RERG: variants seen among roughly 807,000 people sequenced by gnomAD.
RERG encodes the protein ras-related and estrogen-regulated growth inhibitor.
In RERG, 25 loss-of-function variants were observed where a neutral mutation model predicts 23.2. The observed-to-expected ratio is 1.08, with a 90% CI of 0.79 to 1.50. The LOEUF is 1.50. Among genes scored for constraint, RERG ranks in the 40% most tolerant of loss-of-function variants. The probability of loss-of-function intolerance (pLI) is 0.00; values close to 1 mark genes in which losing one functional copy is unlikely to be tolerated. For synonymous variants in RERG, 81 were observed against 89.1 expected (o/e 0.91, Z 0.51); for missense variants, 253 against 250.1 (o/e 1.01, Z -0.08).
intron 2 of RERG, among the ~76,000 whole-genome samples, chr12:15,158,450 T>C (rs1864554963): frequency 6.6e-6 from 1 of 151,920 alleles, no homozygotes; most frequent in African/African-American, 2.4e-5. Context: ...CCTGGCTAAT[T>C]TTTGCATTTT....
chr12:15,183,300 G>A (rs1294137414), intron 2 of RERG, among the ~76,000 whole-genome samples: 1 of 151,826 alleles, frequency 6.6e-6, no homozygotes, highest in Non-Finnish European at 1.5e-5. Flanking sequence ...TGAGATACGT[G>A]GGCAAACATA....
chr12:15,114,244 T>C lies in RERG; in HGVS notation c.119-2827A>G, dbSNP rs1385317095. On this transcript the variant is annotated intron_variant, in intron 3 of 4. Transcript: ENST00000256953. Reference sequence around the variant, plus strand: ...AAGCTCATGCACAGACCAAAAAAAATGAGATAAAAAATAAAAGGGTTGACT... The same window carrying C: ...AAGCTCATGCACAGACCAAAAAAAACGAGATAAAAAATAAAAGGGTTGACT... 2.6e-5 allele frequency among the ~76,000 whole-genome samples: 4 copies of C among 151,156 alleles called. No homozygotes were observed. The East Asian group carries it at 7.7e-4, about 29-fold the overall frequency.
intron 2 of RERG, among the ~76,000 whole-genome samples, chr12:15,215,815 A>G (rs1256954684): frequency 6.6e-6 from 1 of 152,168 alleles, no homozygotes; most frequent in Non-Finnish European, 1.5e-5. Context: ...CTGATGCATG[A>G]GCCTTGACAG....
chr12:15,185,327 T>C (rs1864974892), intron 2 of RERG, among the ~76,000 whole-genome samples: 1 of 152,128 alleles, frequency 6.6e-6, no homozygotes, highest in South Asian at 2.1e-4. Flanking sequence ...TTTAAAGCTC[T>C]CACATAATTG....
intron 3 of RERG, among the ~76,000 whole-genome samples, chr12:15,117,665 T>TCA (rs1303535776): frequency 9.3e-6 from 1 of 107,536 alleles, no homozygotes; most frequent in African/African-American, 3.9e-5. Context: ...AATGCCTCCA[T>TCA]CACACACGCG....
intron 2 of RERG, among the ~76,000 whole-genome samples, chr12:15,181,894 GAGCAAAC>G (rs966595160): frequency 4.6e-5 from 7 of 152,116 alleles, no homozygotes; most frequent in Non-Finnish European, 8.8e-5. Context: ...GCTATTCATA[GAGCAAAC>G]TCTGGGAGAA....
intron 2 of RERG, among the ~76,000 whole-genome samples, chr12:15,200,080 A>G (rs893786354): frequency 3.3e-5 from 5 of 152,126 alleles, no homozygotes; most frequent in Non-Finnish European, 7.4e-5. Context: ...TTGGTAGACT[A>G]TAATGAATAC....
rs531384592 is a variant in RERG at position 15,198,340 on chromosome 12, A to T, written c.61+19089T>A. Among the ~76,000 whole-genome samples, 3 of 152,222 alleles carry T rather than the reference A, an allele frequency of 2.0e-5. No individual in the cohort carries two copies. The East Asian group carries it at 5.8e-4, about 29-fold the overall frequency. On this transcript the variant is annotated intron_variant, in intron 2 of 4. Transcript: ENST00000256953. ...GATCCTTTAAATTTGGAAATTAACC[A>T]GCTATGACTCTTCAGGATGTTGGTC...
chr12:15,182,607 G>GTGA (rs1565530680), intron 2 of RERG, among the ~76,000 whole-genome samples: 1 of 152,148 alleles, frequency 6.6e-6, no homozygotes, highest in Non-Finnish European at 1.5e-5. Flanking sequence ...TGAGCCAATT[G>GTGA]TGATGCAATA....
At chr12:15,155,855 T>C (rs569851007) in intron 2 of RERG, among the ~76,000 whole-genome samples, 2 of 87,176 alleles carry the variant, frequency 2.3e-5, no homozygotes, top group East Asian at 2.9e-4. Context: ...CTTTGAACTA[T>C]TTCTCATAAT....
At chr12:15,215,159 G>C (rs12322836) in intron 2 of RERG, among the ~76,000 whole-genome samples, 38,241 of 152,150 alleles carry the variant, frequency 0.25, 5,370 homozygotes, top group Non-Finnish European at 0.33. Context: ...TTGAATGTTA[G>C]AGTTGGAAAG....
chr12:15,121,074 T>C lies in RERG; in HGVS notation c.107A>G (p.Asp36Gly), dbSNP rs1371969344. 7 of 1,612,104 alleles carry C rather than the reference T, an allele frequency of 4.3e-6. No homozygotes were observed. The highest frequency in any genetic ancestry group is 5.9e-6 in the Non-Finnish European group (7 of 1,178,442). Residue 36 changes from aspartate to glycine, a missense_variant, in exon 3 of 5, where the codon GAT (aspartate) becomes GGT (glycine). Physicochemically the swap from Asp to Gly is moderately conservative, Grantham distance 94. Transcript: ENST00000256953. ...AAAATTTGACCTACCGAGGGTGGGATCATATTCCCAGATGAACCGTTTGGT... is the reference window on the plus strand; with the variant it reads ...AAAATTTGACCTACCGAGGGTGGGACCATATTCCCAGATGAACCGTTTGGT... ...FLTKRFIWEY[D>G]PTLESTYRHQ...
At chr12:15,212,441 CAT>C (rs1033414798) in intron 2 of RERG, among the ~76,000 whole-genome samples, 2 of 152,090 alleles carry the variant, frequency 1.3e-5, no homozygotes, top group African/African-American at 2.4e-5. Flanking sequence ...TTTAAGCAAA[CAT>C]AGATATATTA....
intron 2 of RERG, among the ~76,000 whole-genome samples, chr12:15,155,024 G>A (rs1360172516): frequency 6.6e-6 from 1 of 152,086 alleles, no homozygotes; most frequent in East Asian, 1.9e-4. Flanking sequence ...AGAAACCAGT[G>A]TATGTATAAA....
At chr12:15,204,334 C>A (rs1270148672) in intron 2 of RERG, among the ~76,000 whole-genome samples, 1 of 151,664 alleles carries the variant, frequency 6.6e-6, no homozygotes, top group African/African-American at 2.4e-5. Context: ...GTCTCTGCAA[C>A]AAATGATGTT....
chr12:15,113,272 G>A (rs538173806), intron 3 of RERG, among the ~76,000 whole-genome samples: 1 of 151,820 alleles, frequency 6.6e-6, no homozygotes, highest in African/African-American at 2.4e-5. Flanking sequence ...AGAAGAAACA[G>A]AATAAATTCA....
At chr12:15,123,863 T>C (rs1427284216) in intron 2 of RERG, among the ~76,000 whole-genome samples, 1 of 152,068 alleles carries the variant, frequency 6.6e-6, no homozygotes. Context: ...GTAGTTACTG[T>C]TGAGTCTCTG....
intron 2 of RERG, among the ~76,000 whole-genome samples, chr12:15,144,505 A>G (rs1038952794): frequency 6.6e-6 from 1 of 152,204 alleles, no homozygotes; most frequent in Non-Finnish European, 1.5e-5. Context: ...AAACCAGGAA[A>G]GTTTAGAATT....
chr12:15,163,658 C>T (rs531015563), intron 2 of RERG, among the ~76,000 whole-genome samples: 1 of 152,182 alleles, frequency 6.6e-6, no homozygotes, highest in African/African-American at 2.4e-5. Flanking sequence ...CCTGAGAAGC[C>T]ATTAGGAGAT....
Sources: gnomAD v4.1 joint callset for allele counts (sites outside exome capture counted in the v4.1 genomes callset) on GRCh38, gnomAD v4.1.1 for gene constraint, MANE v1.5 for transcripts, NCBI Gene and HGNC (gene_info 2026-07-23, HGNC 2026-07-21) for gene names.